PDE1C: variants seen among roughly 807,000 people sequenced by gnomAD.
PDE1C encodes the protein phosphodiesterase 1C, also known as dual specificity calcium/calmodulin-dependent 3',5'-cyclic nucleotide phosphodiesterase 1C.
Under a neutral mutation model 93.1 loss-of-function variants are expected in PDE1C, and 62 were observed. The ratio of observed to expected loss-of-function variants is 0.67; its 90% CI spans 0.54 to 0.82. The LOEUF is 0.82. PDE1C is among the 40% of genes least tolerant of loss of function. The probability of loss-of-function intolerance (pLI) is 0.00; values close to 1 mark genes in which losing one functional copy is unlikely to be tolerated. For missense variants in PDE1C, 742 were observed against 884.6 expected (o/e 0.84, Z 2.04); for synonymous variants, 325 against 310.1 (o/e 1.05, Z -0.50).
chr7:31,697,222 C>G, the PDE1C span: 1 of 1,405,198 alleles, frequency 7.1e-7, no homozygotes, highest in Non-Finnish European at 9.6e-7. Context: ...CCCCAGCAAG[C>G]TGCGTTGTCC....
Position 32,108,718 on chromosome 7 carries a change from T to C in PDE1C, c.308+61067A>G, listed in dbSNP as rs143027892. On this transcript the variant is annotated intron_variant, in intron 3 of 18. Transcript: ENST00000396193. ...GTAAGGTGCACTGCATGAATGTTCA[T>C]GATTTGGAAAATCTAGCCATGGTTT... Among the ~76,000 whole-genome samples, 678 of 152,354 alleles carry C rather than the reference T, an allele frequency of 4.5e-3. 5 individuals carry two copies. Among genetic ancestry groups the C allele is most frequent in the African/African-American group, 0.016 (647 of 41,578 alleles).
intron 1 of PDE1C, among the ~76,000 whole-genome samples, chr7:32,348,186 G>A (rs576262215): frequency 2.0e-5 from 3 of 152,024 alleles, no homozygotes; most frequent in Non-Finnish European, 4.4e-5. Flanking sequence ...GACCAGTTTT[G>A]TCCCATAAAC....
chr7:31,827,647 G>A (rs988262949), intron 12 of PDE1C, among the ~76,000 whole-genome samples: 1 of 152,004 alleles, frequency 6.6e-6, no homozygotes, highest in Admixed American at 6.6e-5. Context: ...AATTCTTATT[G>A]AATTTTCTTA....
chr7:31,620,724 C>A, the PDE1C span, among the ~76,000 whole-genome samples: 1 of 152,082 alleles, frequency 6.6e-6, no homozygotes, highest in Non-Finnish European at 1.5e-5. Flanking sequence ...CAAAGGAACG[C>A]AGTTCCTCAC....
intron 2 of PDE1C, among the ~76,000 whole-genome samples, chr7:31,944,741 T>C (rs1584112614): frequency 6.6e-6 from 1 of 152,200 alleles, no homozygotes. Context: ...CTTGTAAACA[T>C]CGACAACTAA....
At chr7:31,860,314 A>G (rs560433725) in intron 7 of PDE1C, among the ~76,000 whole-genome samples, 4 of 152,276 alleles carry the variant, frequency 2.6e-5, no homozygotes, top group African/African-American at 9.6e-5. Context: ...ATACTGCTAC[A>G]CTACAATGCA....
At chr7:31,948,497 C>T (rs1236175733) in intron 2 of PDE1C, among the ~76,000 whole-genome samples, 1 of 152,168 alleles carries the variant, frequency 6.6e-6, no homozygotes, top group Non-Finnish European at 1.5e-5. Context: ...AAATGATTCA[C>T]ATTTTTATAC....
chr7:31,653,994 C>A, the PDE1C span, among the ~76,000 whole-genome samples: 1 of 140,090 alleles, frequency 7.1e-6, no homozygotes, highest in East Asian at 2.2e-4. Flanking sequence ...GTGCTGGAGA[C>A]AGCCATAAAT....
chr7:32,398,633 C>T (rs960554040), intron 1 of PDE1C, among the ~76,000 whole-genome samples: 1 of 152,036 alleles, frequency 6.6e-6, no homozygotes, highest in East Asian at 1.9e-4. Flanking sequence ...AAGTGATCCT[C>T]CCGTCTCGGC....
chr7:32,019,744 G>A (rs1256792486), intron 2 of PDE1C, among the ~76,000 whole-genome samples: 1 of 152,048 alleles, frequency 6.6e-6, no homozygotes, highest in Non-Finnish European at 1.5e-5. Flanking sequence ...TATAGGATAG[G>A]GAAACAAGGG....
At chr7:31,948,647 ACTTAT>A (rs1296719559) in intron 2 of PDE1C, among the ~76,000 whole-genome samples, 1 of 152,022 alleles carries the variant, frequency 6.6e-6, no homozygotes, top group Non-Finnish European at 1.5e-5. Flanking sequence ...TTTCCATCTT[ACTTAT>A]CTTTTTGCGG....
Position 31,824,366 on chromosome 7 carries a change from G to A in PDE1C, c.1406+501C>T, listed in dbSNP as rs965427993. Among the ~76,000 whole-genome samples the A allele has an allele frequency of 5.9e-5, 9 of 152,102 alleles. No homozygotes were observed. In the South Asian group the frequency reaches 1.0e-3, roughly 17 times the overall value. On this transcript the variant is annotated intron_variant, in intron 13 of 17. Coordinates refer to ENST00000396191, the MANE Select transcript of PDE1C (RefSeq NM_001191057.4). ...GGGGGAAGTGAGACAATTGGCCTGC[G>A]ATTGCACAGCTAGTAAGTGATGAGG...
intron 2 of PDE1C, among the ~76,000 whole-genome samples, chr7:31,945,125 A>G (rs1806433240): frequency 6.6e-6 from 1 of 152,148 alleles, no homozygotes; most frequent in South Asian, 2.1e-4. Context: ...CACTCACATC[A>G]CATGTGCTCC....
At chr7:32,170,534 T>C (rs957033315) in intron 2 of PDE1C, among the ~76,000 whole-genome samples, 1 of 152,190 alleles carries the variant, frequency 6.6e-6, no homozygotes, top group Non-Finnish European at 1.5e-5. Flanking sequence ...ATCTGCCAGG[T>C]GATCAAGATC....
chr7:31,940,711 T>C (rs2128998354), intron 2 of PDE1C, among the ~76,000 whole-genome samples: 1 of 152,266 alleles, frequency 6.6e-6, no homozygotes, highest in African/African-American at 2.4e-5. Flanking sequence ...GCAGATTGGT[T>C]CATCATTGGT....
chr7:32,174,335 T>G (rs577060588), intron 2 of PDE1C, among the ~76,000 whole-genome samples: 1 of 152,018 alleles, frequency 6.6e-6, no homozygotes, highest in East Asian at 1.9e-4. Flanking sequence ...ATGAGACTGG[T>G]TCCCAAGGGA....
chr7:32,241,873 C>A (rs76188378), intron 1 of PDE1C, among the ~76,000 whole-genome samples: 30,347 of 151,924 alleles, frequency 0.2, 4,094 homozygotes, highest in Admixed American at 0.35. Context: ...GAAACAAATG[C>A]AGAGTATGTG....
At chr7:31,919,310 G>A (rs62456032) in intron 2 of PDE1C, among the ~76,000 whole-genome samples, 15,997 of 152,130 alleles carry the variant, frequency 0.11, 1,212 homozygotes, top group East Asian at 0.3. Context: ...TGCCACTGAC[G>A]AGATGCATAA....
chr7:31,904,032 AAT>A, intron 2 of PDE1C, among the ~76,000 whole-genome samples: 1 of 152,296 alleles, frequency 6.6e-6, no homozygotes, highest in Middle Eastern at 3.4e-3. Flanking sequence ...TGTCATTTAT[AAT>A]TGCACATATG....
Sources: allele counts gnomAD v4.1 joint callset (sites outside exome capture counted in the v4.1 genomes callset), GRCh38; gene constraint gnomAD v4.1.1; transcripts MANE v1.5; gene names NCBI Gene and HGNC (gene_info 2026-07-23, HGNC 2026-07-21).